The following SH3D19 variants were observed in gnomAD, a reference collection of about 807,000 sequenced individuals.
SH3D19 encodes the protein SH3 domain-containing protein 19.
A neutral mutation model predicts 112.1 loss-of-function variants in SH3D19; 58 were observed. The observed-to-expected ratio is 0.52, with a 90% CI of 0.42 to 0.64. The LOEUF (loss-of-function observed/expected upper bound fraction) is 0.64. Among genes scored for constraint, SH3D19 ranks in the 30% least tolerant of loss-of-function variants. SH3D19 has a pLI of 0.00. For synonymous variants in SH3D19, 391 were observed against 448.5 expected (o/e 0.87, Z 1.62); for missense variants, 1,090 against 1,263.4 (o/e 0.86, Z 2.08).
intron 8 of SH3D19, among the ~76,000 whole-genome samples, chr4:151,165,358 G>GGGAA (rs1490215396): frequency 5.9e-5 from 9 of 151,636 alleles, no homozygotes; most frequent in Admixed American, 5.9e-4. Context: ...GGAAAAGGAA[G>GGGAA]GGAAGGGAAA....
intron 14 of SH3D19, among the ~76,000 whole-genome samples, chr4:151,136,764 C>A (rs1199159290): frequency 1.3e-5 from 2 of 152,114 alleles, no homozygotes; most frequent in Non-Finnish European, 2.9e-5. Flanking sequence ...AAACATTATT[C>A]TTAATATTAA....
chr4:151,276,962 C>T (rs983796818), intron 1 of SH3D19, among the ~76,000 whole-genome samples: 2 of 152,158 alleles, frequency 1.3e-5, no homozygotes, highest in Non-Finnish European at 2.9e-5. Context: ...GGGGGCGCCA[C>T]AGACCCCAGT....
intron 1 of SH3D19, among the ~76,000 whole-genome samples, chr4:151,255,511 C>T (rs1244710469): frequency 1.3e-5 from 2 of 151,214 alleles, no homozygotes; most frequent in East Asian, 3.9e-4. Context: ...GGTGAGATGG[C>T]GGCCGGGCGG....
Position 151,128,288 on chromosome 4 carries a change from T to C in SH3D19, c.2811A>G (p.Leu937=), listed in dbSNP as rs746061164. Reference sequence around the variant, plus strand: ...GGATCCGGTCTCCCCTCTTGAATGATAAGTCATCACTGGTCTCTGCTGTAA... The same window carrying C: ...GGATCCGGTCTCCCCTCTTGAATGACAAGTCATCACTGGTCTCTGCTGTAA... ...HSFTAETSDD[L]SFKRGDRIQI... The change falls in exon 18 of 20, where the codon TTA becomes TTG. Residue 937 remains leucine, a synonymous_variant. Coordinates refer to ENST00000604030, the MANE Select transcript of SH3D19 (RefSeq NM_001378122.1). 1 of 1,614,048 alleles carries C rather than the reference T, an allele frequency of 6.2e-7. No individual in the cohort carries two copies. Among genetic ancestry groups the C allele is most frequent in the South Asian group, 1.1e-5 (1 of 91,080 alleles).
At position 151,179,335 on chromosome 4, in the gene SH3D19, C is replaced by T; in HGVS notation, c.236+20G>A. ...AATTATTAGTCTAATATATGTCCTC[C>T]ATTATAAATATAACCATACCTTCTA... is the stretch of plus-strand genomic sequence containing the variant. On this transcript the variant is annotated intron_variant, in intron 4 of 19. Transcript: ENST00000604030. The T allele has an allele frequency of 8.3e-7, 1 of 1,208,418 alleles. No individual in the cohort carries two copies. The highest frequency in any genetic ancestry group is 3.2e-5 in the East Asian group (1 of 31,398). 74.9% of individuals were successfully genotyped at this position (1,208,418 alleles called of 1,614,324 possible).
In SH3D19 at chr4:151,176,687, G is replaced by A; in HGVS notation, c.376C>T (p.Leu126Phe). Residue 126 changes from leucine to phenylalanine, a missense_variant and splice_region_variant, in exon 6 of 20, where the codon CTC becomes TTC. By Grantham distance (22) the Leu-to-Phe change is conservative. Transcript: ENST00000604030. Reference sequence around the variant, plus strand: ...ATAACTTGTTCATAAGATGGTGGGAGCTGAAAAGTAAAGAATGAAGATTTT... The same window carrying A: ...ATAACTTGTTCATAAGATGGTGGGAACTGAAAAGTAAAGAATGAAGATTTT... ...WRPNELVPAE[L>F]PPSYEQVIKE... 1 of 1,231,906 alleles carries A rather than the reference G, an allele frequency of 8.1e-7. No homozygotes were observed. The highest frequency in any genetic ancestry group is 1.0e-6 in the Non-Finnish European group (1 of 987,728). The allele number at this position is 1,231,906 out of a possible 1,614,324, so 76.3% of individuals were successfully genotyped here.
At chr4:151,283,031 T>G (rs1774399366) in intron 1 of SH3D19, 12 of 1,245,122 alleles carry the variant, frequency 9.6e-6, no homozygotes, top group Non-Finnish European at 3.4e-6. Context: ...GGATTCCCAT[T>G]CAGAGACTTC....
At chr4:151,243,905 A>G (rs1417994303) in intron 1 of SH3D19, among the ~76,000 whole-genome samples, 1 of 152,234 alleles carries the variant, frequency 6.6e-6, no homozygotes, top group Admixed American at 6.5e-5. Flanking sequence ...TGCTAGACCA[A>G]GAACTGAACA....
Position 151,148,192 on chromosome 4 carries a change from A to G in SH3D19, c.1818-6T>C, listed in dbSNP as rs1754265992. 1 of 1,591,804 alleles carries G rather than the reference A, an allele frequency of 6.3e-7. No individual in the cohort carries two copies. Among genetic ancestry groups the G allele is most frequent in the Non-Finnish European group, 8.5e-7 (1 of 1,171,894 alleles). On this transcript the variant is annotated splice_polypyrimidine_tract_variant and splice_region_variant and intron_variant, in intron 10 of 19. Coordinates refer to ENST00000604030, the MANE Select transcript of SH3D19 (RefSeq NM_001378122.1). ...TGGTTTTTCCATTCACAGGTCTGAAAGTCAATGTAGTAGCCATGAGTCAGT... is the reference window on the plus strand; with the variant it reads ...TGGTTTTTCCATTCACAGGTCTGAAGGTCAATGTAGTAGCCATGAGTCAGT...
chr4:151,322,702 A>T (rs760063677), intron 1 of SH3D19, among the ~76,000 whole-genome samples: 2 of 152,174 alleles, frequency 1.3e-5, no homozygotes, highest in African/African-American at 4.8e-5. Context: ...ACACACACAC[A>T]TTTATTTCCT....
Position 151,127,920 on chromosome 4 carries a change from C to A in SH3D19, c.2930-205G>T, listed in dbSNP as rs982877752. Among the ~76,000 whole-genome samples, 7 of 152,124 alleles carry A rather than the reference C, an allele frequency of 4.6e-5. 1 individual carries two copies. In the South Asian group the frequency reaches 1.5e-3, roughly 32 times the overall value. On this transcript the variant is annotated intron_variant, in intron 18 of 19. Transcript: ENST00000604030. ...AACTTTCAAAAAGATGAACAATGTT[C>A]TTTTAGCAGGGAAAAATTACGTAAA...
chr4:151,216,391 A>G lies in SH3D19; in HGVS notation c.152+9656T>C, dbSNP rs575747059. Reference sequence around the variant, plus strand: ...AAGGATATTTATTAGTTGGAGTAAAACCATAACCTAAGGATAGATTGAGGG... The same window carrying G: ...AAGGATATTTATTAGTTGGAGTAAAGCCATAACCTAAGGATAGATTGAGGG... On this transcript the variant is annotated intron_variant, in intron 2 of 19. Coordinates refer to ENST00000604030, the MANE Select transcript of SH3D19 (RefSeq NM_001378122.1). 5.9e-5 allele frequency among the ~76,000 whole-genome samples: 9 copies of G among 152,348 alleles called. No homozygotes were observed. The South Asian group carries it at 1.9e-3, about 32-fold the overall frequency.
At chr4:151,187,282 C>A in intron 3 of SH3D19, 141 bp downstream of exon 3, 1 of 428,808 alleles carries the variant, frequency 2.3e-6, no homozygotes, top group East Asian at 3.6e-5. Context: ...AGCTGTTTGT[C>A]TGAAATGCTT....
intron 1 of SH3D19, among the ~76,000 whole-genome samples, chr4:151,264,323 C>T (rs545894341): frequency 8.9e-5 from 13 of 146,164 alleles, no homozygotes; most frequent in African/African-American, 2.3e-4. Context: ...CCCAGCCACC[C>T]GGGAGGCTGA....
intron 1 of SH3D19, among the ~76,000 whole-genome samples, chr4:151,229,083 G>A (rs1459772525): frequency 6.7e-6 from 1 of 150,302 alleles, no homozygotes; most frequent in African/African-American, 2.5e-5. Context: ...TTTTGTCCAG[G>A]CTGGTCTCAA....
At chr4:151,130,561 A>G (rs745997014) in intron 17 of SH3D19, among the ~76,000 whole-genome samples, 3 of 152,228 alleles carry the variant, frequency 2.0e-5, no homozygotes, top group African/African-American at 7.2e-5. Context: ...TGAACAGTGT[A>G]AAAATTTTAA....
At chr4:151,279,691 G>A (rs1005171261) in intron 1 of SH3D19, 5 of 1,109,928 alleles carry the variant, frequency 4.5e-6, no homozygotes, top group East Asian at 4.8e-5. Flanking sequence ...TCTAGGGAGG[G>A]TTCAGGTCCT....
At chr4:151,195,099 G>A (rs1002472722) in intron 2 of SH3D19, among the ~76,000 whole-genome samples, 91 of 149,376 alleles carry the variant, frequency 6.1e-4, no homozygotes, top group African/African-American at 2.0e-3. Context: ...GGTTGGGCGC[G>A]GTGGCTCATG....
intron 14 of SH3D19, among the ~76,000 whole-genome samples, chr4:151,136,322 ATT>A (rs1338072220): frequency 1.3e-5 from 2 of 150,346 alleles, no homozygotes; most frequent in Non-Finnish European, 3.0e-5. Context: ...TAATTTTTCA[ATT>A]TTTTGTGGGG....
Sources: gnomAD v4.1 joint callset for allele counts (sites outside exome capture counted in the v4.1 genomes callset) on GRCh38, gnomAD v4.1.1 for gene constraint, MANE v1.5 for transcripts, NCBI Gene and HGNC (gene_info 2026-07-23, HGNC 2026-07-21) for gene names.